PUM1: variants seen among roughly 807,000 people sequenced by gnomAD.
PUM1 encodes the protein pumilio homolog 1.
A neutral mutation model predicts 131.8 loss-of-function variants in PUM1; 13 were observed. That is an observed-to-expected ratio of 0.10 (90% CI 0.06 to 0.16). The LOEUF is 0.16. PUM1 is among the 10% of genes least tolerant of loss of function. PUM1 has a pLI of 1.00. For missense variants in PUM1, 961 were observed against 1,512.4 expected (o/e 0.64, Z 6.05); for synonymous variants, 509 against 556.5 (o/e 0.91, Z 1.20).
intron 3 of PUM1, among the ~76,000 whole-genome samples, chr1:31,011,154 T>C (rs1423853540): frequency 8.3e-6 from 1 of 120,064 alleles, no homozygotes; most frequent in Non-Finnish European, 1.7e-5. Flanking sequence ...TGAGACCCTA[T>C]CTCTTAAAAT....
intron 1 of PUM1, among the ~76,000 whole-genome samples, chr1:31,064,263 A>C (rs944450513): frequency 1.3e-5 from 2 of 152,210 alleles, no homozygotes; most frequent in African/African-American, 2.4e-5. Flanking sequence ...TTAAACCTAA[A>C]CTAAACAAAT....
Position 30,983,883 on chromosome 1 carries a change from G to A in PUM1, c.1159-2478C>T, listed in dbSNP as rs143348096. Among the ~76,000 whole-genome samples, 31 of 151,918 alleles carry A rather than the reference G, an allele frequency of 2.0e-4. No individual in the cohort carries two copies. In the East Asian group the frequency reaches 5.6e-3, roughly 27 times the overall value. On this transcript the variant is annotated intron_variant, in intron 7 of 21. Transcript: ENST00000426105. The stretch of plus-strand genomic sequence containing the variant: ...CTCCCAAAGGACTGGAATTACAGGC[G>A]TGAGCCACCACACCTGGGCTATATA...
chr1:31,056,629 T>C lies in PUM1; in HGVS notation c.363+2575A>G, dbSNP rs1369697140. On this transcript the variant is annotated intron_variant, in intron 2 of 21. Transcript: ENST00000426105. Reference sequence around the variant, plus strand: ...CTTTTCTTTTTTTTTTTTTTTTTTTTTTTTTTTTTTTTTTTGAGACAGGGT... The same window carrying C: ...CTTTTCTTTTTTTTTTTTTTTTTTTCTTTTTTTTTTTTTTTGAGACAGGGT... Among the ~76,000 whole-genome samples the C allele has an allele frequency of 2.2e-3, 261 of 116,212 alleles. 3 individuals carry two copies. Among genetic ancestry groups the C allele is most frequent in the African/African-American group, 8.2e-3 (252 of 30,582 alleles). The allele number at this position is 116,212 out of a possible 152,430, so 76.2% of individuals were successfully genotyped here.
At chr1:31,060,644 C>T (rs997247449) in intron 1 of PUM1, among the ~76,000 whole-genome samples, 2 of 151,686 alleles carry the variant, frequency 1.3e-5, no homozygotes, top group African/African-American at 2.4e-5. Context: ...CCCAACACTT[C>T]GGAGGCCAAG....
At chr1:31,002,418 G>C (rs1002442306) in intron 5 of PUM1, among the ~76,000 whole-genome samples, 5 of 151,382 alleles carry the variant, frequency 3.3e-5, no homozygotes, top group African/African-American at 9.7e-5. Context: ...TCAAAGTTTA[G>C]AGTGATCTTC....
chr1:31,016,701 A>G (rs1642831944), intron 3 of PUM1, among the ~76,000 whole-genome samples: 1 of 152,204 alleles, frequency 6.6e-6, no homozygotes. Context: ...TCTGGCATGC[A>G]GTAATTACTG....
chr1:31,051,135 A>G (rs1287433327), intron 2 of PUM1: 2 of 152,008 alleles, frequency 1.3e-5, no homozygotes. Context: ...AATACATAAT[A>G]AAAATAAAAT....
At chr1:30,952,681 G>GA (rs1156675617) in intron 15 of PUM1, among the ~76,000 whole-genome samples, 541 of 29,234 alleles carry the variant, frequency 0.019, 6 homozygotes, top group African/African-American at 0.086. Context: ...AAGCGGGGGG[G>GA]GCGGGGGGGG....
intron 1 of PUM1, among the ~76,000 whole-genome samples, chr1:31,063,637 A>T (rs889220305): frequency 6.6e-6 from 1 of 152,260 alleles, no homozygotes; most frequent in African/African-American, 2.4e-5. Context: ...AAAAGAAAAA[A>T]GTTATCTAAC....
At chr1:30,935,444 T>C (rs1024262944) in intron 21 of PUM1, among the ~76,000 whole-genome samples, 1 of 152,198 alleles carries the variant, frequency 6.6e-6, no homozygotes, top group African/African-American at 2.4e-5. Flanking sequence ...CACTATCACG[T>C]TTACCAATAC....
At chr1:30,994,985 A>G in intron 6 of PUM1, 69 bp downstream of exon 6, 2 of 1,518,804 alleles carry the variant, frequency 1.3e-6, no homozygotes, top group Non-Finnish European at 1.8e-6. Flanking sequence ...AAATCAAAGT[A>G]AAACTAAATC....
intron 14 of PUM1, among the ~76,000 whole-genome samples, chr1:30,964,003 A>C (rs1158860169): frequency 6.6e-6 from 1 of 152,192 alleles, no homozygotes; most frequent in African/African-American, 2.4e-5. Context: ...GCCACCAAAA[A>C]AAAGGTAATA....
At chr1:31,052,992 C>G (rs988364747) in intron 2 of PUM1, among the ~76,000 whole-genome samples, 1 of 151,432 alleles carries the variant, frequency 6.6e-6, no homozygotes, top group Admixed American at 6.6e-5. Flanking sequence ...GCATAAGCCA[C>G]CACGCCTGGC....
intron 2 of PUM1, among the ~76,000 whole-genome samples, chr1:31,052,425 A>G (rs992829604): frequency 1.4e-4 from 22 of 151,818 alleles, no homozygotes; most frequent in Non-Finnish European, 2.6e-4. Flanking sequence ...TTCTTTTCAA[A>G]GAGACAGGAT....
chr1:31,026,878 G>A (rs531918767), intron 3 of PUM1, among the ~76,000 whole-genome samples: 7 of 150,098 alleles, frequency 4.7e-5, no homozygotes, highest in East Asian at 2.0e-4. Flanking sequence ...CATTACTGAT[G>A]GAATATACTG....
intron 3 of PUM1, among the ~76,000 whole-genome samples, chr1:31,024,113 G>A (rs925811842): frequency 3.3e-5 from 5 of 152,142 alleles, no homozygotes; most frequent in East Asian, 1.9e-4. Flanking sequence ...ACCTGAAAAG[G>A]TCCTAGGAAA....
chr1:30,945,389 T>C lies in PUM1; in HGVS notation c.2951A>G (p.Gln984Arg), dbSNP rs1315279898. Residue 984 changes from glutamine to arginine, a missense_variant, in exon 18 of 22, where the codon CAG becomes CGG. Coordinates refer to ENST00000426105, the MANE Select transcript of PUM1 (RefSeq NM_001020658.2). ...HVVQKCIECV[Q>R]PQSLQFIIDA... Reference sequence around the variant, plus strand: ...GATGATAAATTGCAAAGACTGGGGCTGTACACATTCAATGCATTTCTGAAC... The same window carrying C: ...GATGATAAATTGCAAAGACTGGGGCCGTACACATTCAATGCATTTCTGAAC... 6.2e-7 allele frequency: 1 copy of C among 1,614,244 alleles called. No individual in the cohort carries two copies. The highest frequency in any genetic ancestry group is 1.7e-5 in the Admixed American group (1 of 60,032).
chr1:30,958,973 G>T (rs1193273510), intron 14 of PUM1, among the ~76,000 whole-genome samples: 1 of 152,116 alleles, frequency 6.6e-6, no homozygotes, highest in Non-Finnish European at 1.5e-5. Flanking sequence ...TTGAGAGAGA[G>T]ATTTCACTTA....
At chr1:31,053,256 T>C (rs940586211) in intron 2 of PUM1, among the ~76,000 whole-genome samples, 12 of 149,552 alleles carry the variant, frequency 8.0e-5, no homozygotes, top group Non-Finnish European at 1.3e-4. Context: ...TGCCTCAGCC[T>C]CCCAAAGTGC....
Sources: allele counts gnomAD v4.1 joint callset (sites outside exome capture counted in the v4.1 genomes callset), GRCh38; gene constraint gnomAD v4.1.1; transcripts MANE v1.5; gene names NCBI Gene and HGNC (gene_info 2026-07-23, HGNC 2026-07-21).